CAMTA1: variants seen among roughly 807,000 people sequenced by gnomAD.
The protein encoded by CAMTA1 is calmodulin-binding transcription activator 1.
Under a neutral mutation model 170.9 loss-of-function variants are expected in CAMTA1, and 27 were observed. The observed-to-expected ratio is 0.16, with a 90% confidence interval of 0.12 to 0.22. The LOEUF is 0.22. CAMTA1 is among the 10% of genes least tolerant of loss of function. The pLI, the probability that CAMTA1 is intolerant of heterozygous loss-of-function variation, is 1.00. For synonymous variants in CAMTA1, 833 were observed against 891.5 expected, an observed-to-expected ratio of 0.93 and a Z score of 1.17; for missense variants, 1,619 against 2,217.2, an observed-to-expected ratio of 0.73 and a Z score of 5.42.
At chr1:6,822,174 G>T (rs1646563731) in intron 2 of CAMTA1, among the ~76,000 whole-genome samples, 1 of 152,112 alleles carries the variant, frequency 6.6e-6, no homozygotes, top group African/African-American at 2.4e-5. Flanking sequence ...ACCAGTATAT[G>T]CCTTAATTTT....
At chr1:6,987,775 C>G (rs775813004) in intron 3 of CAMTA1, among the ~76,000 whole-genome samples, 9 of 152,102 alleles carry the variant, frequency 5.9e-5, no homozygotes, top group African/African-American at 1.2e-4. Flanking sequence ...AGGAAAGGGC[C>G]GCTTTGCTTT....
chr1:7,697,844 C>A (rs1421937288), intron 11 of CAMTA1, among the ~76,000 whole-genome samples: 1 of 152,100 alleles, frequency 6.6e-6, no homozygotes, highest in Non-Finnish European at 1.5e-5. Flanking sequence ...CTGTTTCTCC[C>A]CACTATCCTC....
intron 5 of CAMTA1, among the ~76,000 whole-genome samples, chr1:7,335,066 T>C (rs2083266573): frequency 1.6e-5 from 2 of 127,506 alleles, no homozygotes; most frequent in South Asian, 5.4e-4. Flanking sequence ...ACACCCCTGC[T>C]ATGACTTTAC....
At chr1:7,648,743 C>A (rs1461868760) in intron 7 of CAMTA1, among the ~76,000 whole-genome samples, 3 of 152,254 alleles carry the variant, frequency 2.0e-5, no homozygotes, top group Admixed American at 6.5e-5. Flanking sequence ...ATGGTTCCCC[C>A]TCAGAACCAC....
intron 5 of CAMTA1, among the ~76,000 whole-genome samples, chr1:7,276,303 A>ATATATATATATATTTTTTTTTT: frequency 4.1e-5 from 1 of 24,228 alleles, no homozygotes; most frequent in African/African-American, 3.0e-4. Flanking sequence ...ATATATATAT[A>ATATATATATATATTTTTTTTTT]TTTTTTTTTT....
intron 5 of CAMTA1, among the ~76,000 whole-genome samples, chr1:7,302,005 T>C (rs1233051460): frequency 6.6e-6 from 1 of 152,158 alleles, no homozygotes; most frequent in Non-Finnish European, 1.5e-5. Context: ...TTCTGGCTCA[T>C]CTGCAGCCAT....
chr1:7,095,299 A>C (rs1460415572), intron 4 of CAMTA1, among the ~76,000 whole-genome samples: 1 of 152,222 alleles, frequency 6.6e-6, no homozygotes, highest in African/African-American at 2.4e-5. Context: ...AAAATGAACA[A>C]AAGTGACATA....
rs1438526821 is a variant in CAMTA1, at chr1:7,642,589, T to TA, written c.664+2037dup. 6.6e-6 allele frequency among the ~76,000 whole-genome samples: 1 copy of TA among 152,120 alleles called. No individual in the cohort carries two copies. Among genetic ancestry groups the TA allele is most frequent in the Non-Finnish European group, 1.5e-5 (1 of 67,984 alleles). On this transcript the variant is annotated intron_variant, in intron 7 of 22. Transcript: ENST00000303635. The surrounding 1 kb of genome is among the most constrained non-coding windows in gnomAD (Gnocchi z 6.3). Reference sequence around the variant, plus strand: ...GACCCCGCCCCAGGGGGCCTACTGATACTTTCTCTGCCGCAGAGCCTCAGC... The same window carrying TA: ...GACCCCGCCCCAGGGGGCCTACTGATAACTTTCTCTGCCGCAGAGCCTCAGC...
At chr1:6,899,450 G>A (rs1052391341) in intron 3 of CAMTA1, among the ~76,000 whole-genome samples, 2 of 152,210 alleles carry the variant, frequency 1.3e-5, no homozygotes, top group Admixed American at 6.5e-5. Flanking sequence ...GCATAATTGG[G>A]AATTCAGCAA....
At chr1:7,351,894 G>A (rs1272134442) in intron 5 of CAMTA1, among the ~76,000 whole-genome samples, 1 of 152,246 alleles carries the variant, frequency 6.6e-6, no homozygotes, top group African/African-American at 2.4e-5. Context: ...CGACCAAGAG[G>A]AAGGCAGCGC....
intron 3 of CAMTA1, among the ~76,000 whole-genome samples, chr1:6,990,559 T>C (rs974625402): frequency 2.0e-5 from 3 of 152,134 alleles, no homozygotes; most frequent in African/African-American, 7.2e-5. Context: ...CACACAATCT[T>C]AAGTGTGCCG....
chr1:7,563,440 T>C (rs1485005508), intron 6 of CAMTA1, among the ~76,000 whole-genome samples: 3 of 152,118 alleles, frequency 2.0e-5, no homozygotes, highest in Non-Finnish European at 4.4e-5. Flanking sequence ...TGGGACCTGC[T>C]AGCAGCTCCC....
intron 5 of CAMTA1, among the ~76,000 whole-genome samples, chr1:7,290,304 G>A (rs1211881886): frequency 1.3e-5 from 2 of 152,188 alleles, no homozygotes; most frequent in Admixed American, 1.3e-4. Flanking sequence ...CAGTCCCTCT[G>A]GATTTAGGTG....
At chr1:7,316,637 T>G (rs1677549452) in intron 5 of CAMTA1, among the ~76,000 whole-genome samples, 1 of 152,226 alleles carries the variant, frequency 6.6e-6, no homozygotes, top group Admixed American at 6.5e-5. Context: ...GATGTTTATA[T>G]GCCCAGCAAT....
chr1:7,750,045 T>C (rs2096885093), intron 19 of CAMTA1, among the ~76,000 whole-genome samples: 1 of 152,228 alleles, frequency 6.6e-6, no homozygotes, highest in Non-Finnish European at 1.5e-5. Flanking sequence ...CTGTGAGCCC[T>C]GTGGCCACTA....
Position 6,825,073 on chromosome 1 carries a change from A to G in CAMTA1, c.116-19A>G. 2 of 1,368,426 alleles carry G rather than the reference A, an allele frequency of 1.5e-6. No homozygotes were observed. Among genetic ancestry groups the G allele is most frequent in the East Asian group, 2.3e-5 (1 of 43,408 alleles). 84.8% of individuals were successfully genotyped at this position (1,368,426 alleles called of 1,614,324 possible). On this transcript the variant is annotated intron_variant, in intron 2 of 22. Coordinates refer to ENST00000303635, the MANE Select transcript of CAMTA1 (RefSeq NM_015215.4). Reference sequence around the variant, plus strand: ...TTTATCTATTATTTTCTCTAAATTTATTGTTTTCTTCTTTGTAGATGATCA... The same window carrying G: ...TTTATCTATTATTTTCTCTAAATTTGTTGTTTTCTTCTTTGTAGATGATCA...
chr1:7,327,804 A>G (rs914344723), intron 5 of CAMTA1, among the ~76,000 whole-genome samples: 4 of 152,144 alleles, frequency 2.6e-5, no homozygotes, highest in African/African-American at 9.7e-5. Flanking sequence ...TCCCTGAAGT[A>G]TATTCTTGAG....
intron 3 of CAMTA1, among the ~76,000 whole-genome samples, chr1:6,911,142 AAG>A (rs905904045): frequency 3.3e-5 from 5 of 152,168 alleles, no homozygotes; most frequent in Non-Finnish European, 7.4e-5. Context: ...ATTGGAGGGA[AAG>A]AGGGGAGGGT....
intron 4 of CAMTA1, among the ~76,000 whole-genome samples, chr1:7,158,118 C>A (rs1647001894): frequency 6.6e-6 from 1 of 152,156 alleles, no homozygotes; most frequent in African/African-American, 2.4e-5. Context: ...GAGATTGCAC[C>A]ACTGCACTCC....
Sources: gnomAD v4.1 joint callset for allele counts (sites outside exome capture counted in the v4.1 genomes callset) on GRCh38, gnomAD v4.1.1 for gene constraint, Gnocchi (gnomAD v3.1) non-coding constraint, MANE v1.5 for transcripts, NCBI Gene and HGNC (gene_info 2026-07-23, HGNC 2026-07-21) for gene names.